The following PPHLN1 variants were observed in gnomAD, a reference collection of about 807,000 sequenced individuals.
The protein encoded by PPHLN1 is periphilin-1.
Under a neutral mutation model 51.3 loss-of-function variants are expected in PPHLN1, and 29 were observed. The observed-to-expected ratio is 0.57, with a 90% CI of 0.42 to 0.77. The LOEUF (loss-of-function observed/expected upper bound fraction) is 0.77. Ranked by LOEUF, PPHLN1 falls within the 30% of genes least tolerant of loss-of-function variation. The probability of loss-of-function intolerance (pLI) is 0.00; values close to 1 mark genes in which losing one functional copy is unlikely to be tolerated. For missense variants in PPHLN1, 436 were observed against 438.4 expected, an observed-to-expected ratio of 0.99 and a Z score of 0.05; for synonymous variants, 147 against 147.8, an observed-to-expected ratio of 0.99 and a Z score of 0.04.
chr12:42,447,178 C>G (rs1566065902), downstream of PPHLN1: 1 of 152,340 alleles, frequency 6.6e-6, no homozygotes. Flanking sequence ...CAAAAAAACT[C>G]TAATCAAAAG....
Position 42,328,604 on chromosome 12 carries a change from G to T in PPHLN1, c.-21+2375G>T, listed in dbSNP as rs555347050. 1.3e-4 allele frequency among the ~76,000 whole-genome samples: 20 copies of T among 152,344 alleles called. No homozygotes were observed. In the South Asian group the frequency reaches 4.1e-3, roughly 32 times the overall value. ...TGATCAATTATAATGGACAATCAGG[G>T]ATCTCCTACTAAGTTTAGTGCAGTA... On this transcript the variant is annotated intron_variant, in intron 1 of 9. Transcript: ENST00000358314.
chr12:42,362,656 T>C (rs746658032), intron 4 of PPHLN1, among the ~76,000 whole-genome samples: 1 of 152,246 alleles, frequency 6.6e-6, no homozygotes, highest in Non-Finnish European at 1.5e-5. Flanking sequence ...CTTTTACTTC[T>C]GCATTTATTT....
At chr12:42,377,176 T>C (rs2076339128) in intron 5 of PPHLN1, among the ~76,000 whole-genome samples, 2 of 151,856 alleles carry the variant, frequency 1.3e-5, no homozygotes, top group African/African-American at 4.8e-5. Flanking sequence ...TGATTCTTCT[T>C]CCAGCACACC....
At chr12:42,393,451 G>A in intron 7 of PPHLN1, 119 bp from the exon 8 acceptor site, 2 of 967,746 alleles carry the variant, frequency 2.1e-6, no homozygotes, top group Non-Finnish European at 3.0e-6. Flanking sequence ...GAATGTACCT[G>A]TTCTCCATAG....
Position 42,426,221 on chromosome 12 carries a change from CA to C in PPHLN1, c.910-15093del, listed in dbSNP as rs1566010410. On this transcript the variant is annotated intron_variant, in intron 9 of 9. Coordinates refer to ENST00000358314, the MANE Select transcript of PPHLN1 (RefSeq NM_201439.2). ...ACACACACACACACACACACACACA[CA>C]CACACACCCTCATGCATTGTCTCAT... 2.1e-3 allele frequency among the ~76,000 whole-genome samples: 267 copies of C among 126,146 alleles called. 1 individual carries two copies. The highest frequency in any genetic ancestry group is 7.9e-3 in the Middle Eastern group (2 of 254). 82.8% of individuals were successfully genotyped at this position (126,146 alleles called of 152,430 possible).
At chr12:42,327,082 C>A (rs1326392299) in intron 1 of PPHLN1, among the ~76,000 whole-genome samples, 1 of 152,196 alleles carries the variant, frequency 6.6e-6, no homozygotes, top group African/African-American at 2.4e-5. Flanking sequence ...GCCAAACTTA[C>A]CATGCTTTAC....
At chr12:42,445,273 A>G (rs533964102), downstream of PPHLN1, 16 of 595,970 alleles carry the variant, frequency 2.7e-5, no homozygotes, top group Non-Finnish European at 4.5e-5. Context: ...TTTTTCCACC[A>G]AAATTAGAGA....
intron 4 of PPHLN1, among the ~76,000 whole-genome samples, chr12:42,365,274 G>T (rs143808157): frequency 6.6e-6 from 1 of 152,146 alleles, no homozygotes; most frequent in African/African-American, 2.4e-5. Flanking sequence ...TCTTGAAATC[G>T]TAATTCTTTT....
chr12:42,413,652 C>A (rs1248948742), intron 9 of PPHLN1, among the ~76,000 whole-genome samples: 3 of 151,672 alleles, frequency 2.0e-5, no homozygotes. Context: ...ACCTCCACCT[C>A]CTGGGTTTAA....
At chr12:42,412,220 G>T (rs1009821366) in intron 9 of PPHLN1, among the ~76,000 whole-genome samples, 7 of 151,838 alleles carry the variant, frequency 4.6e-5, no homozygotes, top group Non-Finnish European at 5.9e-5. Flanking sequence ...AATAAAAAAA[G>T]AAGTAGTTTT....
chr12:42,415,381 A>G (rs534672964), intron 9 of PPHLN1, among the ~76,000 whole-genome samples: 6 of 152,314 alleles, frequency 3.9e-5, no homozygotes, highest in Middle Eastern at 3.4e-3. Flanking sequence ...CATCTTGGCC[A>G]GGCTGGTCTT....
intron 5 of PPHLN1, among the ~76,000 whole-genome samples, chr12:42,378,117 T>G (rs1204546574): frequency 1.4e-5 from 2 of 147,282 alleles, no homozygotes; most frequent in African/African-American, 5.3e-5. Flanking sequence ...TCTTTCTTTC[T>G]TTCTTTCTTT....
intron 9 of PPHLN1, chr12:42,400,415 C>G (rs1342511531): frequency 2.7e-5 from 4 of 145,846 alleles, no homozygotes; most frequent in African/African-American, 1.0e-4. Context: ...TTGCAGTGAG[C>G]CGAGATCCCG....
intron 6 of PPHLN1, among the ~76,000 whole-genome samples, chr12:42,385,305 T>C (rs1297394442): frequency 6.6e-6 from 1 of 152,188 alleles, no homozygotes; most frequent in South Asian, 2.1e-4. Flanking sequence ...GTTCTTTCTT[T>C]TGCCATTTGT....
At chr12:42,442,903 G>T, downstream of PPHLN1, 1 of 1,136,678 alleles carries the variant, frequency 8.8e-7, no homozygotes, top group South Asian at 1.7e-5. Flanking sequence ...GCTCAATTAA[G>T]GGACCCAGTG....
intron 4 of PPHLN1, chr12:42,361,625 G>T (rs1277063117): frequency 6.6e-6 from 1 of 152,128 alleles, no homozygotes; most frequent in East Asian, 1.9e-4. Flanking sequence ...TTCTGTGGTT[G>T]GTTGGTTGGT....
intron 7 of PPHLN1, among the ~76,000 whole-genome samples, chr12:42,389,430 C>T (rs1049412981): frequency 6.7e-6 from 1 of 149,524 alleles, no homozygotes; most frequent in Non-Finnish European, 1.5e-5. Flanking sequence ...TGTGGTGGCA[C>T]GTGCCTGTAG....
At chr12:42,441,178 A>G in intron 9 of PPHLN1, 137 bp from the exon 10 acceptor site, 1 of 1,238,458 alleles carries the variant, frequency 8.1e-7, no homozygotes, top group East Asian at 2.5e-5. Context: ...GTGACAATGC[A>G]AGGGCGAGAA....
intron 9 of PPHLN1, among the ~76,000 whole-genome samples, chr12:42,431,512 AT>A (rs1226411213): frequency 6.6e-6 from 1 of 152,188 alleles, no homozygotes; most frequent in African/African-American, 2.4e-5. Flanking sequence ...TTAACATATG[AT>A]TTATTCAGGA....
Sources: allele counts gnomAD v4.1 joint callset (sites outside exome capture counted in the v4.1 genomes callset), GRCh38; gene constraint gnomAD v4.1.1; transcripts MANE v1.5; gene names NCBI Gene and HGNC (gene_info 2026-07-23, HGNC 2026-07-21).